BASP1: variants seen among roughly 807,000 people sequenced by gnomAD.
BASP1 encodes brain abundant membrane attached signal protein 1.
Under a neutral mutation model 2.2 loss-of-function variants are expected in BASP1, and 1 was observed. That is an observed-to-expected ratio of 0.46 (90% CI 0.16 to 2.17). The LOEUF (loss-of-function observed/expected upper bound fraction) is 2.17. BASP1 is among the 30% of genes most tolerant of loss of function. The pLI, the probability that BASP1 is intolerant of heterozygous loss-of-function variation, is 0.27. For synonymous variants in BASP1, 187 were observed against 154.2 expected, an observed-to-expected ratio of 1.21 and a Z score of -1.58; for missense variants, 352 against 327.2, an observed-to-expected ratio of 1.08 and a Z score of -0.58.
At chr5:17,261,620 C>G (rs10054788) in intron 1 of BASP1, among the ~76,000 whole-genome samples, 60,494 of 151,980 alleles carry the variant, frequency 0.4, 12,403 homozygotes, top group Non-Finnish European at 0.45. Flanking sequence ...TTCTCTCCCC[C>G]CCACCGTCTG....
intron 1 of BASP1, among the ~76,000 whole-genome samples, chr5:17,262,071 T>C (rs1334660584): frequency 1.3e-5 from 2 of 152,194 alleles, no homozygotes; most frequent in African/African-American, 4.8e-5. Flanking sequence ...CTCTTTTGAT[T>C]TTTTGAGACA....
chr5:17,274,291 G>A (rs1462634043), intron 1 of BASP1, among the ~76,000 whole-genome samples: 1 of 152,136 alleles, frequency 6.6e-6, no homozygotes, highest in African/African-American at 2.4e-5. Context: ...GTCAGACACA[G>A]CCAGCAAGAG....
chr5:17,269,149 A>G (rs563382115), intron 1 of BASP1, among the ~76,000 whole-genome samples: 1 of 152,326 alleles, frequency 6.6e-6, no homozygotes, highest in East Asian at 1.9e-4. Flanking sequence ...CTAGCTATGA[A>G]GTTGCTCTTT....
intron 1 of BASP1, among the ~76,000 whole-genome samples, chr5:17,238,096 T>A (rs1416151292): frequency 6.6e-6 from 1 of 152,154 alleles, no homozygotes; most frequent in African/African-American, 2.4e-5. Flanking sequence ...CTATTGACAC[T>A]TTATTTGGTT....
chr5:17,258,005 G>T (rs552057874), intron 1 of BASP1, among the ~76,000 whole-genome samples: 80 of 152,276 alleles, frequency 5.3e-4, no homozygotes, highest in African/African-American at 1.9e-3. Context: ...CACTGCTCTT[G>T]CTTTTCCATA....
In BASP1 at chr5:17,276,797, A is replaced by G. The variant is rs1561180971; in HGVS notation, c.*897A>G. 6.0e-6 allele frequency: 1 copy of G among 167,116 alleles called. No individual in the cohort carries two copies. The highest frequency in any genetic ancestry group is 1.9e-4 in the East Asian group (1 of 5,194). The allele number at this position is 167,116 out of a possible 1,614,324, so 10.4% of individuals were successfully genotyped here. A position where few individuals can be genotyped will look rare whatever the true frequency, so the allele number is the denominator to read the frequency against. On this transcript the variant is annotated 3_prime_UTR_variant, in exon 2 of 2. Coordinates refer to ENST00000322611, the MANE Select transcript of BASP1 (RefSeq NM_006317.5). ...ATTGAAATTATATGTAATTGTATAA[A>G]TGGTGCAACAGTAATAAAGTTAAAC...
At chr5:17,268,415 G>A (rs1057422367) in intron 1 of BASP1, among the ~76,000 whole-genome samples, 28 of 152,302 alleles carry the variant, frequency 1.8e-4, no homozygotes, top group Admixed American at 6.5e-4. Flanking sequence ...ATGTAAGTGC[G>A]TATTAGGAAA....
At chr5:17,223,999 T>C (rs1409487893) in intron 1 of BASP1, among the ~76,000 whole-genome samples, 1 of 152,216 alleles carries the variant, frequency 6.6e-6, no homozygotes, top group Non-Finnish European at 1.5e-5. Context: ...TGTGATCTAT[T>C]GACAAATCTT....
intron 1 of BASP1, among the ~76,000 whole-genome samples, chr5:17,222,028 A>G (rs1048694529): frequency 2.6e-5 from 4 of 151,988 alleles, no homozygotes; most frequent in Non-Finnish European, 5.9e-5. Context: ...AGTGTTTTCA[A>G]CAACTGAAAG....
intron 1 of BASP1, among the ~76,000 whole-genome samples, chr5:17,238,911 G>A (rs1739802106): frequency 6.6e-6 from 1 of 152,098 alleles, no homozygotes; most frequent in Non-Finnish European, 1.5e-5. Flanking sequence ...CCTTCAAGAG[G>A]ACTTCCCAGC....
rs531405176 is a variant in BASP1, at chr5:17,249,279, T to C, written c.-9-25929T>C. 4.6e-5 allele frequency among the ~76,000 whole-genome samples: 7 copies of C among 152,258 alleles called. No individual in the cohort carries two copies. The South Asian group carries it at 1.4e-3, about 32-fold the overall frequency. The stretch of plus-strand genomic sequence containing the variant: ...TCTTCCTGCAGCCTTCTTGCTTTCA[T>C]CCAGAAGCAAATTTGGTCAAAACAA... On this transcript the variant is annotated intron_variant, in intron 1 of 1. Transcript: ENST00000322611.
At chr5:17,232,860 A>T (rs1039823310) in intron 1 of BASP1, among the ~76,000 whole-genome samples, 1 of 152,200 alleles carries the variant, frequency 6.6e-6, no homozygotes, top group African/African-American at 2.4e-5. Flanking sequence ...TGAGACAGCC[A>T]TCGGACTTAG....
chr5:17,252,821 C>CT, intron 1 of BASP1, among the ~76,000 whole-genome samples: 1 of 152,230 alleles, frequency 6.6e-6, no homozygotes, highest in East Asian at 1.9e-4. Flanking sequence ...AACTGAGTCA[C>CT]TAGTGAAGTA....
chr5:17,251,519 C>A lies in BASP1; in HGVS notation c.-9-23689C>A, dbSNP rs911911903. Among the ~76,000 whole-genome samples, 3 of 152,190 alleles carry A rather than the reference C, an allele frequency of 2.0e-5. No homozygotes were observed. Among genetic ancestry groups the A allele is most frequent in the African/African-American group, 7.2e-5 (3 of 41,446 alleles). ...GTTGGTTTCTGTGGAAGGGTCCAAACAGCGGCTGGAGCTCCAACTGTCTTT... is the reference window on the plus strand; with the variant it reads ...GTTGGTTTCTGTGGAAGGGTCCAAAAAGCGGCTGGAGCTCCAACTGTCTTT... On this transcript the variant is annotated intron_variant, in intron 1 of 1. Transcript: ENST00000322611. The surrounding 1 kb of genome is among the most constrained non-coding windows in gnomAD (Gnocchi z 4.0).
intron 1 of BASP1, among the ~76,000 whole-genome samples, chr5:17,220,796 G>A (rs1384531980): frequency 6.6e-6 from 1 of 152,160 alleles, no homozygotes; most frequent in African/African-American, 2.4e-5. Context: ...TGGTGCAAGA[G>A]GTGATGCGTT....
At chr5:17,230,939 A>C (rs1186557884) in intron 1 of BASP1, among the ~76,000 whole-genome samples, 1 of 152,146 alleles carries the variant, frequency 6.6e-6, no homozygotes, top group East Asian at 1.9e-4. Context: ...TTCCTGGCTC[A>C]AATTTAAGGT....
intron 1 of BASP1, among the ~76,000 whole-genome samples, chr5:17,254,473 C>T (rs970222188): frequency 1.2e-4 from 18 of 152,104 alleles, no homozygotes; most frequent in African/African-American, 4.3e-4. Context: ...GATGATGGTT[C>T]GGATTCTAGT....
rs148775524 is a variant in BASP1, at chr5:17,251,440, T to G, written c.-9-23768T>G. On this transcript the variant is annotated intron_variant, in intron 1 of 1. Transcript: ENST00000322611. The surrounding 1 kb of genome is among the most constrained non-coding windows in gnomAD (Gnocchi z 4.0). ...TGATTTTACATCAATACAAAACCAT[T>G]AAATATATGTTAAAAAGATTTCAGA... Among the ~76,000 whole-genome samples, 8 of 152,332 alleles carry G rather than the reference T, an allele frequency of 5.3e-5. No individual in the cohort carries two copies. Among genetic ancestry groups the G allele is most frequent in the African/African-American group, 1.9e-4 (8 of 41,582 alleles).
chr5:17,256,973 G>A lies in BASP1; in HGVS notation c.-9-18235G>A, dbSNP rs979262422. ...TGGGTGAAACAGAATATGGCACATG[G>A]TCCTTTATCACAACCTTTCTACCTA... On this transcript the variant is annotated intron_variant, in intron 1 of 1. Transcript: ENST00000322611. Among the ~76,000 whole-genome samples the A allele has an allele frequency of 6.6e-5, 10 of 152,330 alleles. No homozygotes were observed. In the East Asian group the frequency reaches 1.9e-3, roughly 29 times the overall value.
Sources: allele counts gnomAD v4.1 joint callset (sites outside exome capture counted in the v4.1 genomes callset), GRCh38; gene constraint gnomAD v4.1.1; non-coding constraint Gnocchi (gnomAD v3.1); transcripts MANE v1.5; gene names NCBI Gene and HGNC (gene_info 2026-07-23, HGNC 2026-07-21).